The following COMMD10 variants were observed in gnomAD, a reference collection of about 807,000 sequenced individuals.
COMMD10 encodes COMM domain-containing protein 10.
Under a neutral mutation model 28.9 loss-of-function variants are expected in COMMD10, and 33 were observed. The observed-to-expected ratio is 1.14, with a 90% CI of 0.87 to 1.53. The LOEUF is 1.53. Among genes scored for constraint, COMMD10 ranks in the 40% most tolerant of loss-of-function variants. The pLI is 0.00. For missense variants in COMMD10, 310 were observed against 233.4 expected, an observed-to-expected ratio of 1.33 and a Z score of -2.14; for synonymous variants, 110 against 81.7, an observed-to-expected ratio of 1.35 and a Z score of -1.87.
chr5:116,183,133 A>G (rs1375673021), intron 5 of COMMD10, among the ~76,000 whole-genome samples: 2 of 152,152 alleles, frequency 1.3e-5, no homozygotes, highest in Non-Finnish European at 2.9e-5. Context: ...TAATGATCAT[A>G]AAGAGATTGT....
chr5:116,273,861 T>A (rs557144452), intron 5 of COMMD10, among the ~76,000 whole-genome samples: 1 of 151,870 alleles, frequency 6.6e-6, no homozygotes, highest in African/African-American at 2.4e-5. Context: ...AAAAAAGGCA[T>A]TTATTATTAA....
chr5:116,203,642 G>A (rs1748732089), intron 5 of COMMD10, among the ~76,000 whole-genome samples: 1 of 152,024 alleles, frequency 6.6e-6, no homozygotes, highest in Non-Finnish European at 1.5e-5. Context: ...ACCAAACTAA[G>A]CTTCATGAGT....
At chr5:116,089,893 A>G (rs1387187895) in intron 2 of COMMD10, among the ~76,000 whole-genome samples, 1 of 152,166 alleles carries the variant, frequency 6.6e-6, no homozygotes, top group Admixed American at 6.5e-5. Context: ...AGGGCTTTTC[A>G]GTCAAGTTTG....
At chr5:116,279,549 T>G (rs972306701) in intron 5 of COMMD10, among the ~76,000 whole-genome samples, 1 of 151,822 alleles carries the variant, frequency 6.6e-6, no homozygotes, top group African/African-American at 2.4e-5. Context: ...AATGAAGTCT[T>G]TGGAATCACA....
chr5:116,104,009 T>C (rs909699313), intron 4 of COMMD10, among the ~76,000 whole-genome samples: 2 of 152,208 alleles, frequency 1.3e-5, no homozygotes, highest in South Asian at 2.1e-4. Context: ...TTGGTCTATA[T>C]GTCTGTATGG....
intron 4 of COMMD10, among the ~76,000 whole-genome samples, chr5:116,115,411 A>C (rs1018708001): frequency 1.3e-5 from 2 of 152,066 alleles, no homozygotes; most frequent in Non-Finnish European, 2.9e-5. Flanking sequence ...TTTTCTGTTA[A>C]ATGCCTGTGT....
chr5:116,125,522 T>G (rs999695314), intron 4 of COMMD10, among the ~76,000 whole-genome samples: 2 of 152,154 alleles, frequency 1.3e-5, no homozygotes, highest in African/African-American at 2.4e-5. Flanking sequence ...CTGACAATTA[T>G]GTGACTTGGA....
intron 4 of COMMD10, among the ~76,000 whole-genome samples, chr5:116,122,385 C>T (rs1751463259): frequency 6.6e-6 from 1 of 152,126 alleles, no homozygotes; most frequent in Non-Finnish European, 1.5e-5. Flanking sequence ...GTTACTGTAG[C>T]CTTGTAGTAT....
chr5:116,262,557 G>T lies in COMMD10; in HGVS notation c.511-28960G>T, dbSNP rs201519595. ...GAGTTGAAGATTGAATTTAGGGCCA[G>T]TTTTTTCAAGTACATTAATTATGTT... On this transcript the variant is annotated intron_variant, in intron 5 of 6. Coordinates refer to ENST00000274458, the MANE Select transcript of COMMD10 (RefSeq NM_016144.4). Among the ~76,000 whole-genome samples, 68 of 151,798 alleles carry T rather than the reference G, an allele frequency of 4.5e-4. 1 individual carries two copies. The East Asian group carries it at 0.012, about 27-fold the overall frequency.
At chr5:116,097,197 G>T (rs867069601) in intron 4 of COMMD10, among the ~76,000 whole-genome samples, 1 of 152,092 alleles carries the variant, frequency 6.6e-6, no homozygotes, top group Non-Finnish European at 1.5e-5. Context: ...CTGATTAATT[G>T]TACATTGTCC....
At chr5:116,269,603 A>C (rs1010760964) in intron 5 of COMMD10, among the ~76,000 whole-genome samples, 1 of 151,980 alleles carries the variant, frequency 6.6e-6, no homozygotes, top group African/African-American at 2.4e-5. Flanking sequence ...ATATGTTTTA[A>C]ATTGTATGGT....
chr5:116,144,016 C>T (rs1344739980), intron 5 of COMMD10, among the ~76,000 whole-genome samples: 1 of 151,858 alleles, frequency 6.6e-6, no homozygotes, highest in East Asian at 1.9e-4. Context: ...GGAAAAAGCA[C>T]CTGAAAGACG....
intron 5 of COMMD10, among the ~76,000 whole-genome samples, chr5:116,208,611 A>G (rs888797435): frequency 5.3e-5 from 8 of 152,200 alleles, no homozygotes; most frequent in Non-Finnish European, 7.4e-5. Context: ...TTAGTATTCA[A>G]TAATTGAAAC....
intron 5 of COMMD10, among the ~76,000 whole-genome samples, chr5:116,178,715 A>C (rs753484047): frequency 3.3e-5 from 5 of 152,022 alleles, no homozygotes; most frequent in Non-Finnish European, 5.9e-5. Context: ...TTTTGCAGTT[A>C]GTTGACTCTG....
At chr5:116,117,612 C>T (rs1751284412) in intron 4 of COMMD10, among the ~76,000 whole-genome samples, 2 of 152,012 alleles carry the variant, frequency 1.3e-5, no homozygotes, top group African/African-American at 4.8e-5. Context: ...TACAGGCACG[C>T]ACCACCACTC....
chr5:116,118,294 T>C (rs1015528246), intron 4 of COMMD10, among the ~76,000 whole-genome samples: 1 of 152,224 alleles, frequency 6.6e-6, no homozygotes, highest in African/African-American at 2.4e-5. Flanking sequence ...TTTTACTTAT[T>C]TACTTTTTTG....
intron 5 of COMMD10, among the ~76,000 whole-genome samples, chr5:116,201,872 ATCTT>A (rs1748675544): frequency 6.6e-6 from 1 of 152,020 alleles, no homozygotes; most frequent in Non-Finnish European, 1.5e-5. Flanking sequence ...CAATTAAATT[ATCTT>A]TCTTTTTATT....
rs143212143 is a variant in COMMD10 at position 116,220,202 on chromosome 5, G to T, written c.511-71315G>T. On this transcript the variant is annotated intron_variant, in intron 5 of 6. Coordinates refer to ENST00000274458, the MANE Select transcript of COMMD10 (RefSeq NM_016144.4). ...CAGTACATCCAAAAATTGTTTGTAG[G>T]TACCTAGGGAGCAAAATCAGGCATA... Among the ~76,000 whole-genome samples, 58 of 152,220 alleles carry T rather than the reference G, an allele frequency of 3.8e-4. No homozygotes were observed. The Middle Eastern group carries it at 0.01, about 27-fold the overall frequency.
Position 116,085,073 on chromosome 5 carries a change from G to GA in COMMD10, c.22dup (p.Ile8AsnfsTer39). The GA allele has an allele frequency of 6.2e-7, 1 of 1,610,144 alleles. No homozygotes were observed. The highest frequency in any genetic ancestry group is 8.5e-7 in the Non-Finnish European group (1 of 1,179,042). ...CGAAGATGGCGGTCCCCGCGGCGCT[G>GA]ATCCTACGGGAGAGCCCCAGGTAGC... On this transcript the variant is annotated frameshift_variant, in exon 1 of 7. Coordinates refer to ENST00000274458, the MANE Select transcript of COMMD10 (RefSeq NM_016144.4). LOFTEE classifies it high-confidence loss of function.
Sources: gnomAD v4.1 joint callset for allele counts (sites outside exome capture counted in the v4.1 genomes callset) on GRCh38, gnomAD v4.1.1 for gene constraint, MANE v1.5 for transcripts, NCBI Gene and HGNC (gene_info 2026-07-23, HGNC 2026-07-21) for gene names.